Variants in FANCM observed in about 807,000 individuals in gnomAD.
The protein encoded by FANCM is FA complementation group M, also known as Fanconi anemia group M protein.
A neutral mutation model predicts 199.5 loss-of-function variants in FANCM; 140 were observed. That is an observed-to-expected ratio of 0.70 (90% CI 0.61 to 0.81). The LOEUF (loss-of-function observed/expected upper bound fraction) is 0.81, where lower values mean the gene tolerates loss of function less well. Ranked by LOEUF, FANCM falls within the 30% of genes least tolerant of loss-of-function variation. The pLI is 0.00. For synonymous variants in FANCM, 840 were observed against 836.8 expected, an observed-to-expected ratio of 1.00 and a Z score of -0.07; for missense variants, 2,410 against 2,421.4, an observed-to-expected ratio of 1.00 and a Z score of 0.10.
chr14:45,168,932 T>G (rs1888158135), intron 11 of FANCM, among the ~76,000 whole-genome samples: 2 of 140,160 alleles, frequency 1.4e-5, no homozygotes, highest in African/African-American at 6.1e-5. Context: ...TTATTTTATT[T>G]TATTTTTTTG....
intron 9 of FANCM, among the ~76,000 whole-genome samples, chr14:45,162,118 G>T (rs966741281): frequency 2.0e-5 from 3 of 152,218 alleles, no homozygotes; most frequent in African/African-American, 7.2e-5. Flanking sequence ...AGGTGTGGTG[G>T]CTCACGCCTA....
rs1566775496 is a variant in FANCM at position 45,183,775 on chromosome 14, C to T, written c.4388C>T (p.Ser1463Leu). 6.2e-7 allele frequency: 1 copy of T among 1,604,124 alleles called. No homozygotes were observed. Among genetic ancestry groups the T allele is most frequent in the Admixed American group, 1.7e-5 (1 of 59,846 alleles). ...VKKRRFPINR[S>L]ELSSSDESEN... ...AAGAATTTTGTCGAATTATTATAGT[C>T]AGAATTATCATCTAGTGATGAGAGT... is the stretch of plus-strand genomic sequence containing the variant. Residue 1463 changes from serine (S) to leucine (L), a missense_variant and splice_region_variant, in exon 17 of 23, where the codon TCA (serine) becomes TTA (leucine). By Grantham distance (145) the Ser-to-Leu change is moderately radical. Coordinates refer to ENST00000267430, the MANE Select transcript of FANCM (RefSeq NM_020937.4).
intron 2 of FANCM, among the ~76,000 whole-genome samples, chr14:45,139,701 G>T (rs1395088398): frequency 1.3e-5 from 2 of 152,108 alleles, no homozygotes; most frequent in Non-Finnish European, 2.9e-5. Flanking sequence ...TTGTGAGCTG[G>T]GCGCAGTGGC....
At chr14:45,151,581 A>G (rs535244117) in intron 5 of FANCM, 53 bp downstream of exon 5, 1 of 1,501,192 alleles carries the variant, frequency 6.7e-7, no homozygotes, top group Non-Finnish European at 9.3e-7. Context: ...ACTGAAAGCC[A>G]GGATAAAACA....
At chr14:45,162,864 CT>C (rs145423568) in intron 9 of FANCM, among the ~76,000 whole-genome samples, 8 of 148,468 alleles carry the variant, frequency 5.4e-5, no homozygotes, top group Non-Finnish European at 7.5e-5. Flanking sequence ...GCACTGTGGC[CT>C]TTTTTTTTTC....
At chr14:45,166,234 C>T (rs761916141) in intron 10 of FANCM, among the ~76,000 whole-genome samples, 10 of 151,860 alleles carry the variant, frequency 6.6e-5, no homozygotes, top group East Asian at 1.9e-4. Context: ...TGAGTTCAAG[C>T]GATTCTCCTG....
intron 20 of FANCM, among the ~76,000 whole-genome samples, chr14:45,195,745 T>C (rs547241527): frequency 6.6e-6 from 1 of 152,382 alleles, no homozygotes; most frequent in African/African-American, 2.4e-5. Context: ...TGTTTTCAAC[T>C]GGAGATACTT....
In FANCM at chr14:45,196,265, C is replaced by A. The variant is rs3736772; in HGVS notation, c.5434C>A (p.Pro1812Thr). ...TGGGACACATACTTCTCTTAGACTT[C>A]CGCAGGAAGGAAAAGGAACCTGTAT... Reference protein sequence around the residue: ...LAGTHTSLRLPQEGKGTCILV... With the variant: ...LAGTHTSLRLTQEGKGTCILV... Residue 1812 changes from proline (P) to threonine (T), a missense_variant, in exon 21 of 23, where the codon CCG becomes ACG. Coordinates refer to ENST00000267430, the MANE Select transcript of FANCM (RefSeq NM_020937.4). 1.1e-5 allele frequency: 18 copies of A among 1,613,812 alleles called. No homozygotes were observed. Among genetic ancestry groups the A allele is most frequent in the Non-Finnish European group, 1.4e-5 (17 of 1,179,918 alleles).
chr14:45,150,589 C>G (rs748997301), intron 4 of FANCM, among the ~76,000 whole-genome samples: 2 of 152,162 alleles, frequency 1.3e-5, no homozygotes, highest in Admixed American at 6.5e-5. Context: ...GCTGTCTCCT[C>G]TCTCTGGAAT....
intron 3 of FANCM, among the ~76,000 whole-genome samples, chr14:45,146,431 C>A (rs1297121497): frequency 6.6e-6 from 1 of 152,060 alleles, no homozygotes; most frequent in African/African-American, 2.4e-5. Context: ...TTGCTCCATG[C>A]TTCCAATGAT....
At chr14:45,168,450 A>G (rs1165613984) in intron 11 of FANCM, among the ~76,000 whole-genome samples, 1 of 151,798 alleles carries the variant, frequency 6.6e-6, no homozygotes, top group Non-Finnish European at 1.5e-5. Context: ...TTGCTAATTA[A>G]TCTTATATTT....
At chr14:45,184,669 A>C (rs1484511542) in intron 17 of FANCM, among the ~76,000 whole-genome samples, 1 of 150,694 alleles carries the variant, frequency 6.6e-6, no homozygotes, top group East Asian at 1.9e-4. Context: ...TCAAAAAAAA[A>C]AAAAAAAAAA....
chr14:45,158,439 G>A (rs113242782), intron 8 of FANCM, among the ~76,000 whole-genome samples: 151 of 143,150 alleles, frequency 1.1e-3, no homozygotes, highest in African/African-American at 3.7e-3. Flanking sequence ...TACCTCACCC[G>A]CCCCCCAGCA....
chr14:45,154,944 T>A (rs912083772), intron 7 of FANCM, 122 bp downstream of exon 7: 1 of 669,414 alleles, frequency 1.5e-6, no homozygotes, highest in Non-Finnish European at 2.5e-6. Flanking sequence ...ACAGATCTGT[T>A]AAATGTGTAA....
intron 7 of FANCM, 21 bp from the exon 8 acceptor site, chr14:45,155,350 TTG>T: frequency 9.6e-7 from 1 of 1,046,116 alleles, no homozygotes; most frequent in South Asian, 1.3e-5. Flanking sequence ...GAAAAAAATT[TTG>T]ATATTTTTGT....
In FANCM at chr14:45,181,801, T is replaced by C. The variant is rs1889092179; in HGVS notation, c.4386+96T>C. On this transcript the variant is annotated intron_variant, in intron 16 of 22. Transcript: ENST00000267430. ...TGTAGATAAATATAGGTATTTTTAATCCTTAGTAGAAAAGTTGATATTCTA... is the reference window on the plus strand; with the variant it reads ...TGTAGATAAATATAGGTATTTTTAACCCTTAGTAGAAAAGTTGATATTCTA... The C allele has an allele frequency of 3.9e-6, 3 of 763,862 alleles. No individual in the cohort carries two copies. The Admixed American group carries it at 6.6e-5, about 17-fold the overall frequency. 47.3% of individuals were successfully genotyped at this position (763,862 alleles called of 1,614,324 possible).
rs759729386 is a variant in FANCM at position 45,196,314 on chromosome 14, C to T, written c.5483C>T (p.Thr1828Ile). 6.2e-7 allele frequency: 1 copy of T among 1,614,024 alleles called. No homozygotes were observed. Among genetic ancestry groups the T allele is most frequent in the Non-Finnish European group, 8.5e-7 (1 of 1,180,028 alleles). ...ATTCTTGTAGGTGGTCATGAAATCACTTCTGGATTAGAAGTAATTTCTTCC... is the reference window on the plus strand; with the variant it reads ...ATTCTTGTAGGTGGTCATGAAATCATTTCTGGATTAGAAGTAATTTCTTCC... ...TCILVGGHEI[T>I]SGLEVISSLR... Residue 1828 changes from threonine to isoleucine, a missense_variant, in exon 21 of 23, where the codon ACT (threonine) becomes ATT (isoleucine). By Grantham distance (89) the Thr-to-Ile change is moderately conservative. Coordinates refer to ENST00000267430, the MANE Select transcript of FANCM (RefSeq NM_020937.4).
chr14:45,141,147 G>A (rs1885895530), intron 3 of FANCM, among the ~76,000 whole-genome samples: 1 of 151,828 alleles, frequency 6.6e-6, no homozygotes, highest in Non-Finnish European at 1.5e-5. Context: ...AATTAACCGG[G>A]CGTGGTGGTG....
At chr14:45,136,744 T>G (rs927137466) in intron 1 of FANCM, among the ~76,000 whole-genome samples, 2 of 152,236 alleles carry the variant, frequency 1.3e-5, no homozygotes, top group Non-Finnish European at 2.9e-5. Context: ...GAAGCTATTA[T>G]GTGCGTATAC....
Sources: gnomAD v4.1 joint callset for allele counts (sites outside exome capture counted in the v4.1 genomes callset) on GRCh38, gnomAD v4.1.1 for gene constraint, MANE v1.5 for transcripts, NCBI Gene and HGNC (gene_info 2026-07-23, HGNC 2026-07-21) for gene names.